Variants in TRMT11 observed in about 807,000 individuals in gnomAD.
TRMT11 encodes tRNA (guanine(10)-N(2))-methyltransferase TRMT11.
TRMT11 carries 53 observed loss-of-function variants against 62.8 expected under a neutral mutation model. The observed-to-expected ratio is 0.84, with a 90% confidence interval of 0.68 to 1.06. The LOEUF is 1.06. Ranked by LOEUF, TRMT11 falls within the 50% of genes least tolerant of loss-of-function variation. The probability of loss-of-function intolerance (pLI) is 0.00; values close to 1 mark genes in which losing one functional copy is unlikely to be tolerated. For missense variants in TRMT11, 556 were observed against 553.4 expected (o/e 1.00, Z -0.05); for synonymous variants, 188 against 190.3 (o/e 0.99, Z 0.10).
At chr6:126,062,782 A>G (rs1776574222) in intron 17 of TRMT11, among the ~76,000 whole-genome samples, 1 of 152,202 alleles carries the variant, frequency 6.6e-6, no homozygotes, top group Non-Finnish European at 1.5e-5. Context: ...ATTTTTTATT[A>G]GTGAATGTAA....
chr6:126,125,946 C>G (rs1777713841), intron 21 of TRMT11, among the ~76,000 whole-genome samples: 1 of 152,092 alleles, frequency 6.6e-6, no homozygotes, highest in African/African-American at 2.4e-5. Context: ...TGATTTCTCG[C>G]TTCTTTCAAA....
At chr6:126,248,477 A>G in the TRMT11 span, among the ~76,000 whole-genome samples, 10 of 152,040 alleles carry the variant, frequency 6.6e-5, no homozygotes, top group Non-Finnish European at 1.5e-4. Context: ...AATAAAATGG[A>G]GGGAAGAAAT....
the TRMT11 span, among the ~76,000 whole-genome samples, chr6:126,244,230 C>T: frequency 1.3e-5 from 2 of 151,274 alleles, no homozygotes; most frequent in Non-Finnish European, 2.9e-5. Context: ...TACAGCTAAA[C>T]TAAAACTCAA....
chr6:126,050,993 AC>A (rs1167148281), intron 16 of TRMT11, among the ~76,000 whole-genome samples: 2 of 152,200 alleles, frequency 1.3e-5, no homozygotes, highest in Admixed American at 1.3e-4. Flanking sequence ...GCAGTGAGAT[AC>A]AGGGGGCCCT....
intron 21 of TRMT11, among the ~76,000 whole-genome samples, chr6:126,158,800 C>T (rs1778151905): frequency 6.6e-6 from 1 of 152,168 alleles, no homozygotes; most frequent in South Asian, 2.1e-4. Context: ...ACTTCTCCCT[C>T]CTACAAAGGC....
chr6:126,173,714 C>T (rs1778354924), upstream of TRMT11, among the ~76,000 whole-genome samples: 1 of 152,190 alleles, frequency 6.6e-6, no homozygotes, highest in African/African-American at 2.4e-5. Flanking sequence ...AACTTAGCAT[C>T]CTTCAGTGTG....
intron 17 of TRMT11, among the ~76,000 whole-genome samples, chr6:126,097,957 T>A (rs1777358557): frequency 6.6e-6 from 1 of 152,200 alleles, no homozygotes; most frequent in South Asian, 2.1e-4. Context: ...CTGGGTAGGA[T>A]AATTTCCCTG....
chr6:126,087,621 T>C (rs1583871278), intron 17 of TRMT11, among the ~76,000 whole-genome samples: 4 of 152,366 alleles, frequency 2.6e-5, no homozygotes, highest in Admixed American at 2.6e-4. Flanking sequence ...TATCATGGTG[T>C]GTGTTTGTTC....
At chr6:126,181,249 T>C (rs1415001440) in intron 1 of TRMT11, among the ~76,000 whole-genome samples, 1 of 152,214 alleles carries the variant, frequency 6.6e-6, no homozygotes, top group Admixed American at 6.5e-5. Flanking sequence ...GGTGAAATTT[T>C]CCTCTGGCTT....
At chr6:126,093,585 G>GTATATATA (rs56176946) in intron 17 of TRMT11, among the ~76,000 whole-genome samples, 1,329 of 46,544 alleles carry the variant, frequency 0.029, 100 homozygotes, top group Non-Finnish European at 0.04. Flanking sequence ...GGATATGTAT[G>GTATATATA]TATATATATA....
exon 3 of TRMT11, chr6:126,199,792 G>C (rs1415248666): frequency 6.6e-6 from 1 of 152,190 alleles, no homozygotes; most frequent in Non-Finnish European, 1.5e-5. Flanking sequence ...TGTGGTTAAA[G>C]AAGGCAGATT....
At chr6:126,173,180 C>A (rs147019890), upstream of TRMT11, among the ~76,000 whole-genome samples, 1,944 of 152,254 alleles carry the variant, frequency 0.013, 26 homozygotes, top group Middle Eastern at 0.044. Flanking sequence ...TAAAAAAGTT[C>A]TCTTGCCCTT....
At chr6:126,145,125 T>A (rs1285531935) in intron 21 of TRMT11, among the ~76,000 whole-genome samples, 4 of 152,200 alleles carry the variant, frequency 2.6e-5, no homozygotes, top group Non-Finnish European at 5.9e-5. Flanking sequence ...ATTTACTAAG[T>A]CTTTCTAGAA....
chr6:125,993,640 C>A, intron 1 of TRMT11, 117 bp from the exon 2 acceptor site: 1 of 506,338 alleles, frequency 2.0e-6, no homozygotes, highest in Non-Finnish European at 3.5e-6. Context: ...AGCTTAAATG[C>A]CTCAGTTAGA....
intron 21 of TRMT11, among the ~76,000 whole-genome samples, chr6:126,149,004 G>A (rs1052347251): frequency 6.6e-6 from 1 of 152,216 alleles, no homozygotes; most frequent in Non-Finnish European, 1.5e-5. Context: ...ATGAGCTGCT[G>A]GGTGTGGCTG....
At chr6:126,065,005 C>T (rs746615055) in intron 17 of TRMT11, among the ~76,000 whole-genome samples, 8 of 152,254 alleles carry the variant, frequency 5.3e-5, no homozygotes, top group African/African-American at 1.2e-4. Flanking sequence ...CCCCAGGCAG[C>T]GTTGGTGATC....
chr6:126,027,284 A>T (rs554282122), intron 12 of TRMT11, among the ~76,000 whole-genome samples: 1 of 152,192 alleles, frequency 6.6e-6, no homozygotes, highest in East Asian at 1.9e-4. Context: ...TTACGTTTTC[A>T]ATGACGGTCA....
chr6:126,079,631 G>T (rs541474577), intron 17 of TRMT11, among the ~76,000 whole-genome samples: 1 of 152,200 alleles, frequency 6.6e-6, no homozygotes, highest in Admixed American at 6.5e-5. Context: ...CACGACCTGG[G>T]TGAAGGAATC....
chr6:126,101,035 A>G (rs181772497), intron 17 of TRMT11, among the ~76,000 whole-genome samples: 15 of 152,198 alleles, frequency 9.9e-5, no homozygotes, highest in Admixed American at 9.8e-4. Flanking sequence ...GGTAGAGGTT[A>G]CTCACATTAC....
Sources: allele counts gnomAD v4.1 joint callset (sites outside exome capture counted in the v4.1 genomes callset), GRCh38; gene constraint gnomAD v4.1.1; transcripts MANE v1.5; gene names NCBI Gene and HGNC (gene_info 2026-07-23, HGNC 2026-07-21).